HNRNPD: variants seen among roughly 807,000 people sequenced by gnomAD.
HNRNPD encodes heterogeneous nuclear ribonucleoprotein D.
Under a neutral mutation model 47.9 loss-of-function variants are expected in HNRNPD, and 3 were observed. The ratio of observed to expected loss-of-function variants is 0.06; its 90% CI spans 0.03 to 0.16. The LOEUF is 0.16. Ranked by LOEUF, HNRNPD falls within the 10% of genes least tolerant of loss-of-function variation. The probability of loss-of-function intolerance (pLI) is 1.00; values close to 1 mark genes in which losing one functional copy is unlikely to be tolerated. For synonymous variants in HNRNPD, 171 were observed against 165.1 expected (o/e 1.04, Z -0.28); for missense variants, 287 against 454.2 (o/e 0.63, Z 3.35).
chr4:82,357,675 C>T, intron 4 of HNRNPD: 1 of 333,928 alleles, frequency 3.0e-6, no homozygotes. Flanking sequence ...TTACCACGCA[C>T]TGACATTTAC....
At chr4:82,371,007 T>TACA (rs1560440286) in intron 2 of HNRNPD, among the ~76,000 whole-genome samples, 36 of 89,650 alleles carry the variant, frequency 4.0e-4, no homozygotes, top group Admixed American at 2.3e-3. Context: ...CACACACACT[T>TACA]CTTATTAAAG....
intron 7 of HNRNPD, 35 bp from the exon 8 acceptor site, chr4:82,355,436 G>C: frequency 1.4e-6 from 2 of 1,444,580 alleles, no homozygotes; most frequent in Non-Finnish European, 9.7e-7. Flanking sequence ...CAGAACGGTA[G>C]TGGTTACATA....
chr4:82,367,158 A>C (rs1560438394), intron 2 of HNRNPD, among the ~76,000 whole-genome samples: 1 of 151,846 alleles, frequency 6.6e-6, no homozygotes, highest in Non-Finnish European at 1.5e-5. Flanking sequence ...ACGAGCCACT[A>C]CTTTAATTAA....
intron 2 of HNRNPD, among the ~76,000 whole-genome samples, chr4:82,370,726 C>G (rs939422800): frequency 1.3e-5 from 2 of 152,174 alleles, no homozygotes; most frequent in Non-Finnish European, 2.9e-5. Context: ...GCCTTCTACT[C>G]TCCAGTGGTG....
At chr4:82,361,896 G>A (rs944474039) in intron 2 of HNRNPD, among the ~76,000 whole-genome samples, 13 of 152,172 alleles carry the variant, frequency 8.5e-5, no homozygotes, top group African/African-American at 1.7e-4. Flanking sequence ...GTTCACTGAA[G>A]ATGCTATCCC....
intron 2 of HNRNPD, among the ~76,000 whole-genome samples, chr4:82,364,340 G>A (rs1006762379): frequency 3.3e-5 from 5 of 152,148 alleles, no homozygotes; most frequent in African/African-American, 1.2e-4. Flanking sequence ...TCTGTAAAAA[G>A]AGCATACCTC....
intron 2 of HNRNPD, among the ~76,000 whole-genome samples, chr4:82,371,147 T>C (rs1197249460): frequency 6.6e-6 from 1 of 152,244 alleles, no homozygotes; most frequent in Non-Finnish European, 1.5e-5. Context: ...CACAATATTT[T>C]ATATCAAGGA....
Position 82,373,895 on chromosome 4 carries a change from C to T in HNRNPD, c.-217G>A, listed in dbSNP as rs1389946090. ...CTCGCGCGGCGCACACTCCCGCTCT[C>T]TCCCGCTGCACTAAAAAAGAATAAG... On this transcript the variant is annotated 5_prime_UTR_variant, in exon 1 of 9. Transcript: ENST00000313899. The T allele has an allele frequency of 2.7e-6, 3 of 1,101,656 alleles. No individual in the cohort carries two copies. The highest frequency in any genetic ancestry group is 3.5e-5 in the South Asian group (2 of 57,060). The allele number at this position is 1,101,656 out of a possible 1,614,324, so 68.2% of individuals were successfully genotyped here.
chr4:82,355,331 A>C lies in HNRNPD; in HGVS notation c.*3T>G, dbSNP rs374641037. The stretch of plus-strand genomic sequence containing the variant: ...GTTGGGGATAAGTTGCAAATGGAAT[A>C]ATTTAGTATGGTTTGTAGCTATTTT... On this transcript the variant is annotated 3_prime_UTR_variant, in exon 8 of 9. Coordinates refer to ENST00000313899, the MANE Select transcript of HNRNPD (RefSeq NM_031370.3). 9 of 1,610,004 alleles carry C rather than the reference A, an allele frequency of 5.6e-6. No individual in the cohort carries two copies. Among genetic ancestry groups the C allele is most frequent in the Non-Finnish European group, 7.7e-6 (9 of 1,176,446 alleles).
chr4:82,357,678 A>G (rs1288805312), intron 4 of HNRNPD: 1 of 326,582 alleles, frequency 3.1e-6, no homozygotes, highest in Non-Finnish European at 5.5e-6. Flanking sequence ...CCACGCACTG[A>G]CATTTACTAC....
intron 1 of HNRNPD, among the ~76,000 whole-genome samples, chr4:82,372,160 A>G (rs1044294840): frequency 5.3e-5 from 8 of 152,092 alleles, no homozygotes; most frequent in African/African-American, 1.9e-4. Context: ...ATTCAGACAC[A>G]CACACACCCC....
chr4:82,369,106 T>C (rs768345382), intron 2 of HNRNPD, among the ~76,000 whole-genome samples: 4 of 152,228 alleles, frequency 2.6e-5, no homozygotes, highest in Non-Finnish European at 5.9e-5. Context: ...GTAGTTTCCA[T>C]TGATTTTTAA....
chr4:82,358,832 G>A lies in HNRNPD; in HGVS notation c.460-12C>T. 6.4e-7 allele frequency: 1 copy of A among 1,567,588 alleles called. No individual in the cohort carries two copies. On this transcript the variant is annotated splice_polypyrimidine_tract_variant and intron_variant, in intron 3 of 8. Transcript: ENST00000313899. ...TTTTGATCCATGACCTAAGGAAATTGAAGTTTTCATTTAAAAAATATATAT... is the reference window on the plus strand; with the variant it reads ...TTTTGATCCATGACCTAAGGAAATTAAAGTTTTCATTTAAAAAATATATAT...
rs566546706 is a variant in HNRNPD, at chr4:82,364,804, C to T, written c.291-5165G>A. Among the ~76,000 whole-genome samples the T allele has an allele frequency of 6.0e-4, 91 of 152,284 alleles. 3 individuals carry two copies. In the South Asian group the frequency reaches 0.018, roughly 30 times the overall value. On this transcript the variant is annotated intron_variant, in intron 2 of 8. Transcript: ENST00000313899. ...AATTTAAAACATAAAAGGAAATATA[C>T]ATGGAGCAATCCTGGCTGGTGGAAA...
chr4:82,359,667 T>C (rs778883665), intron 2 of HNRNPD, 28 bp from the exon 3 acceptor site: 1 of 1,478,034 alleles, frequency 6.8e-7, no homozygotes, highest in Admixed American at 2.0e-5. Context: ...AGTATTAAAA[T>C]GCTTAAAAAA....
chr4:82,368,171 A>G (rs1719857111), intron 2 of HNRNPD, among the ~76,000 whole-genome samples: 1 of 152,222 alleles, frequency 6.6e-6, no homozygotes, highest in East Asian at 1.9e-4. Flanking sequence ...TCCTTTTTAA[A>G]TGCTTTCAAG....
chr4:82,358,609 A>G, intron 4 of HNRNPD, 50 bp downstream of exon 4: 1 of 1,524,194 alleles, frequency 6.6e-7, no homozygotes, highest in Middle Eastern at 2.4e-4. Flanking sequence ...TGGGACAATC[A>G]CATTCACACT....
chr4:82,368,527 T>C (rs1046718240), intron 2 of HNRNPD, among the ~76,000 whole-genome samples: 2 of 152,216 alleles, frequency 1.3e-5, no homozygotes, highest in African/African-American at 4.8e-5. Context: ...TCTTTCATAA[T>C]AGATGAAAAT....
intron 7 of HNRNPD, 164 bp downstream of exon 7, chr4:82,356,373 G>A (rs1325770615): frequency 1.7e-6 from 1 of 603,314 alleles, no homozygotes; most frequent in South Asian, 2.1e-5. Context: ...GTGTGATATA[G>A]GCTGGGAGGA....
Sources: allele counts gnomAD v4.1 joint callset (sites outside exome capture counted in the v4.1 genomes callset), GRCh38; gene constraint gnomAD v4.1.1; transcripts MANE v1.5; gene names NCBI Gene and HGNC (gene_info 2026-07-23, HGNC 2026-07-21).